Variants in NWD1 observed in about 807,000 individuals in gnomAD.
The protein encoded by NWD1 is NACHT and WD repeat domain containing 1.
NWD1 carries 129 observed loss-of-function variants against 135.1 expected under a neutral mutation model. That is an observed-to-expected ratio of 0.96 (90% CI 0.83 to 1.11). The LOEUF is 1.11. NWD1 is among the 50% of genes least tolerant of loss of function. The probability of loss-of-function intolerance (pLI) is 0.00; values close to 1 mark genes in which losing one functional copy is unlikely to be tolerated. For synonymous variants in NWD1, 773 were observed against 786.0 expected, an observed-to-expected ratio of 0.98 and a Z score of 0.28; for missense variants, 1,740 against 1,851.3, an observed-to-expected ratio of 0.94 and a Z score of 1.10.
rs1970474142 is a variant in NWD1 at position 16,797,903 on chromosome 19, G to C, written c.3459+17G>C. The C allele has an allele frequency of 2.5e-6, 4 of 1,606,232 alleles. No individual in the cohort carries two copies. The East Asian group carries it at 9.0e-5, about 36-fold the overall frequency. ...CTCATTCAGGTGAGGGGAGATCTGG[G>C]ACCCTTCATCCTCACCTCCACCTCG... On this transcript the variant is annotated intron_variant, in intron 16 of 18. Coordinates refer to ENST00000524140, the MANE Select transcript of NWD1 (RefSeq NM_001007525.5).
intron 4 of NWD1, among the ~76,000 whole-genome samples, chr19:16,737,878 T>C (rs917853783): frequency 5.5e-4 from 83 of 151,352 alleles, no homozygotes; most frequent in African/African-American, 1.6e-3. Context: ...GGCAGGAGAA[T>C]TGCTTGAACC....
At position 16,722,918 on chromosome 19, in the gene NWD1, G is replaced by T. The variant is rs983230815; in HGVS notation, c.-104-1448G>T. Among the ~76,000 whole-genome samples the T allele has an allele frequency of 2.0e-5, 3 of 152,192 alleles. No homozygotes were observed. The South Asian group carries it at 6.2e-4, about 32-fold the overall frequency. ...GCTCAGGAGAGCTTTCCTAGTTGGT[G>T]GCAAACTGTTCATGTTGTCACACAT... On this transcript the variant is annotated intron_variant, in intron 1 of 18. Coordinates refer to ENST00000524140, the MANE Select transcript of NWD1 (RefSeq NM_001007525.5).
chr19:16,737,997 A>AAAGAAAAGAAAAG (rs1440517938), intron 4 of NWD1, among the ~76,000 whole-genome samples: 6 of 151,076 alleles, frequency 4.0e-5, no homozygotes, highest in Non-Finnish European at 7.4e-5. Context: ...AAAGAAAAGA[A>AAAGAAAAGAAAAG]AAGAAAAGAA....
intron 6 of NWD1, among the ~76,000 whole-genome samples, chr19:16,754,971 A>G (rs577950900): frequency 1.3e-5 from 2 of 152,218 alleles, no homozygotes; most frequent in African/African-American, 2.4e-5. Context: ...TATAGTCTCA[A>G]TCTATCTCTA....
intron 1 of NWD1, among the ~76,000 whole-genome samples, chr19:16,723,553 A>G (rs1156825389): frequency 2.6e-4 from 40 of 151,944 alleles, no homozygotes; most frequent in Non-Finnish European, 1.5e-5. Flanking sequence ...GGCTCAAGCA[A>G]TCCCCACCTC....
At chr19:16,762,811 G>T (rs1055314348) in intron 8 of NWD1, among the ~76,000 whole-genome samples, 1 of 151,018 alleles carries the variant, frequency 6.6e-6, no homozygotes, top group Non-Finnish European at 1.5e-5. Context: ...TCCTGACAGA[G>T]TCTTGCTCTG....
chr19:16,734,634 G>A (rs995918115), intron 3 of NWD1, among the ~76,000 whole-genome samples: 2 of 151,340 alleles, frequency 1.3e-5, no homozygotes, highest in African/African-American at 2.4e-5. Flanking sequence ...TGGAGTGCAG[G>A]CATGCAATCA....
intron 2 of NWD1, among the ~76,000 whole-genome samples, chr19:16,729,104 A>T (rs1568332396): frequency 6.6e-6 from 1 of 151,972 alleles, no homozygotes; most frequent in Non-Finnish European, 1.5e-5. Flanking sequence ...AGCCTCCTGG[A>T]CCCTCTGTTT....
Position 16,807,926 on chromosome 19 carries a change from C to A in NWD1, c.4077C>A (p.Asp1359Glu), listed in dbSNP as rs751633850. The A allele has an allele frequency of 3.7e-6, 6 of 1,614,072 alleles. No homozygotes were observed. Among genetic ancestry groups the A allele is most frequent in the Non-Finnish European group, 5.1e-6 (6 of 1,180,040 alleles). The change falls in exon 18 of 19, where the codon GAC becomes GAA. Residue 1359 changes from aspartate to glutamate, a missense_variant. Asp to Glu is a conservative substitution (Grantham distance 45, BLOSUM62 2). Transcript: ENST00000524140. ...TCTCCAGCGTGGCCATTCTGACGGACTACCGCGTGGTCTACAGCATGACCA... is the reference window on the plus strand; with the variant it reads ...TCTCCAGCGTGGCCATTCTGACGGAATACCGCGTGGTCTACAGCATGACCA... Reference protein sequence around the residue: ...ETLSSVAILTDYRVVYSMTNG... With the variant: ...ETLSSVAILTEYRVVYSMTNG...
intron 2 of NWD1, among the ~76,000 whole-genome samples, chr19:16,729,081 TGAC>T (rs1967450998): frequency 6.6e-6 from 1 of 152,112 alleles, no homozygotes; most frequent in Non-Finnish European, 1.5e-5. Context: ...GCTCAGGTAG[TGAC>T]TCATGTGGGA....
intron 10 of NWD1, among the ~76,000 whole-genome samples, chr19:16,766,032 A>AAG (rs1555725056): frequency 4.1e-5 from 6 of 144,744 alleles, no homozygotes; most frequent in South Asian, 2.1e-4. Context: ...AAAAAAAAAA[A>AAG]AAAGAAAGAA....
At chr19:16,778,494 C>CTTTTTT (rs11307621) in intron 11 of NWD1, among the ~76,000 whole-genome samples, 3 of 107,568 alleles carry the variant, frequency 2.8e-5, no homozygotes, top group East Asian at 2.2e-4. Flanking sequence ...TCTTCTTCTT[C>CTTTTTT]TTTTTTTTTT....
chr19:16,730,346 A>ACAAAC (rs376057700), intron 2 of NWD1, among the ~76,000 whole-genome samples: 109 of 151,962 alleles, frequency 7.2e-4, no homozygotes, highest in African/African-American at 2.6e-3. Context: ...AAAAAAACAA[A>ACAAAC]AAAAAAACCC....
chr19:16,739,722 A>G (rs982742837), intron 4 of NWD1, among the ~76,000 whole-genome samples: 1 of 152,102 alleles, frequency 6.6e-6, no homozygotes, highest in Non-Finnish European at 1.5e-5. Flanking sequence ...TAAATAAGTC[A>G]TTAGGCAGCA....
rs138176395 is a variant in NWD1, at chr19:16,764,290, ATCTG to A, written c.2251+357_2251+360del. Among the ~76,000 whole-genome samples the A allele has an allele frequency of 7.1e-3, 1,084 of 152,104 alleles. 11 individuals are homozygous for A. The highest frequency in any genetic ancestry group is 0.024 in the African/African-American group (997 of 41,480). On this transcript the variant is annotated intron_variant, in intron 9 of 18. Coordinates refer to ENST00000524140, the MANE Select transcript of NWD1 (RefSeq NM_001007525.5). ...CCCCTGCCTTATCATGAGAGACCCT[ATCTG>A]TCTGTCTGTCTATTTGTCAGTCTGT... is the stretch of plus-strand genomic sequence containing the variant.
intron 8 of NWD1, 87 bp downstream of exon 8, chr19:16,762,225 G>T (rs960726189): frequency 1.2e-5 from 15 of 1,233,176 alleles, no homozygotes; most frequent in Admixed American, 8.3e-5. Context: ...TTTTGCACTC[G>T]AAATGTCCTC....
intron 4 of NWD1, among the ~76,000 whole-genome samples, chr19:16,742,145 C>T (rs1315792304): frequency 6.6e-6 from 1 of 151,812 alleles, no homozygotes; most frequent in Non-Finnish European, 1.5e-5. Context: ...GAGGCTGAAG[C>T]AGGCGGATCA....
At chr19:16,754,322 A>G (rs1363972400) in intron 6 of NWD1, among the ~76,000 whole-genome samples, 1 of 148,886 alleles carries the variant, frequency 6.7e-6, no homozygotes. Flanking sequence ...CCATCCATCC[A>G]TCCATCCACC....
chr19:16,721,008 G>A (rs763513364), intron 1 of NWD1, among the ~76,000 whole-genome samples: 45 of 152,018 alleles, frequency 3.0e-4, no homozygotes, highest in African/African-American at 1.1e-3. Context: ...ATGCCACCGC[G>A]CCAGCTAATT....
Sources: allele counts gnomAD v4.1 joint callset (sites outside exome capture counted in the v4.1 genomes callset), GRCh38; gene constraint gnomAD v4.1.1; transcripts MANE v1.5; gene names NCBI Gene and HGNC (gene_info 2026-07-23, HGNC 2026-07-21).